The following PCDH15 variants were observed in gnomAD, a reference collection of about 807,000 sequenced individuals.
PCDH15 encodes protocadherin-15.
In PCDH15, 129 loss-of-function variants were observed where a neutral mutation model predicts 178.5. The ratio of observed to expected loss-of-function variants is 0.72; its 90% CI spans 0.63 to 0.84. PCDH15 has a LOEUF of 0.84. Ranked by LOEUF, PCDH15 falls within the 40% of genes least tolerant of loss-of-function variation. PCDH15 has a pLI of 0.00. For missense variants in PCDH15, 2,230 were observed against 2,099.9 expected (o/e 1.06, Z -1.21); for synonymous variants, 800 against 732.0 (o/e 1.09, Z -1.50).
intron 9 of PCDH15, among the ~76,000 whole-genome samples, chr10:54,217,743 G>T (rs1184339589): frequency 8.5e-5 from 13 of 152,106 alleles, no homozygotes; most frequent in Admixed American, 8.5e-4. Flanking sequence ...CTATGGTTTT[G>T]AAATACTATT....
intron 2 of PCDH15, among the ~76,000 whole-genome samples, chr10:55,127,845 A>G (rs533294472): frequency 1.2e-4 from 19 of 152,150 alleles, no homozygotes; most frequent in African/African-American, 4.3e-4. Context: ...TTGTTTCATT[A>G]TACTTTCCAC....
intron 3 of PCDH15, among the ~76,000 whole-genome samples, chr10:54,425,008 TAAAAAAAA>T (rs777958846): frequency 0.011 from 1,190 of 107,696 alleles, 19 homozygotes; most frequent in African/African-American, 0.034. Flanking sequence ...TAAAGTATAA[TAAAAAAAA>T]AAAAAAAAGA....
intron 2 of PCDH15, among the ~76,000 whole-genome samples, chr10:55,454,219 G>A (rs576636159): frequency 4.3e-4 from 66 of 152,032 alleles, no homozygotes; most frequent in Admixed American, 3.6e-3. Flanking sequence ...GCCATTTAAA[G>A]GAACTTTTCA....
At chr10:55,188,623 A>AT (rs1278707238) in intron 1 of PCDH15, among the ~76,000 whole-genome samples, 2 of 151,796 alleles carry the variant, frequency 1.3e-5, no homozygotes, top group African/African-American at 2.4e-5. Flanking sequence ...TAAAATGATC[A>AT]TTTTTCCAGT....
At chr10:55,436,874 A>G (rs2132063555) in intron 2 of PCDH15, among the ~76,000 whole-genome samples, 1 of 152,286 alleles carries the variant, frequency 6.6e-6, no homozygotes, top group East Asian at 1.9e-4. Flanking sequence ...TCAGAAAAAA[A>G]TAATTTTGCC....
chr10:55,307,507 C>CA (rs768595082), intron 1 of PCDH15, among the ~76,000 whole-genome samples: 4,634 of 130,794 alleles, frequency 0.035, 91 homozygotes, highest in African/African-American at 0.056. Flanking sequence ...GACTCCATCT[C>CA]AAAAAAAAAA....
intron 3 of PCDH15, among the ~76,000 whole-genome samples, chr10:54,388,711 C>T (rs1440981887): frequency 6.6e-6 from 1 of 152,096 alleles, no homozygotes; most frequent in Non-Finnish European, 1.5e-5. Flanking sequence ...TAAAATAAAT[C>T]ACCTTGTTGG....
At chr10:55,624,589 ACT>A (rs1837484027) in intron 2 of PCDH15, among the ~76,000 whole-genome samples, 1 of 152,080 alleles carries the variant, frequency 6.6e-6, no homozygotes, top group South Asian at 2.1e-4. Context: ...TTAATAGAAA[ACT>A]CTAATGCTTA....
chr10:54,720,380 G>A lies in PCDH15; in HGVS notation c.-28-56090C>T, dbSNP rs370431741. On this transcript the variant is annotated intron_variant, in intron 1 of 37. Transcript: ENST00000644397. The stretch of plus-strand genomic sequence containing the variant: ...AGTCATCAGAATTTTCAAAGTCAAA[G>A]TGGAAAAAAAAATCCTAAAATCAGC... Among the ~76,000 whole-genome samples the A allele has an allele frequency of 6.6e-5, 10 of 151,744 alleles. No homozygotes were observed. In the East Asian group the frequency reaches 1.8e-3, roughly 27 times the overall value.
chr10:54,050,561 C>T (rs183725870), intron 18 of PCDH15, among the ~76,000 whole-genome samples: 1 of 151,914 alleles, frequency 6.6e-6, no homozygotes, highest in Admixed American at 6.6e-5. Context: ...CAATTTAATT[C>T]AGTTCTTTCT....
At chr10:54,178,314 G>T (rs1018678888) in intron 13 of PCDH15, among the ~76,000 whole-genome samples, 6 of 152,132 alleles carry the variant, frequency 3.9e-5, no homozygotes, top group African/African-American at 2.4e-5. Flanking sequence ...TATAGAGATA[G>T]ATATAGATCA....
At chr10:53,866,391 T>A (rs1213203783) in intron 27 of PCDH15, among the ~76,000 whole-genome samples, 1 of 151,022 alleles carries the variant, frequency 6.6e-6, no homozygotes, top group African/African-American at 2.4e-5. Context: ...TTTTCAAATA[T>A]TATAATGTTT....
chr10:54,970,045 T>A (rs1838893395), intron 2 of PCDH15, among the ~76,000 whole-genome samples: 1 of 152,132 alleles, frequency 6.6e-6, no homozygotes, highest in South Asian at 2.1e-4. Flanking sequence ...AAATGAGTCC[T>A]TAGGAGATGA....
chr10:55,397,840 C>T (rs1299350911), intron 2 of PCDH15, among the ~76,000 whole-genome samples: 1 of 152,006 alleles, frequency 6.6e-6, no homozygotes, highest in African/African-American at 2.4e-5. Context: ...CCGCCCGCCT[C>T]GGCCTCTCAA....
chr10:53,921,369 C>T (rs1216329168), intron 25 of PCDH15, among the ~76,000 whole-genome samples: 1 of 144,300 alleles, frequency 6.9e-6, no homozygotes, highest in African/African-American at 2.6e-5. Flanking sequence ...TTCATTCAAC[C>T]ACATTTCAGC....
chr10:54,859,965 T>G (rs1017954292), intron 3 of PCDH15, among the ~76,000 whole-genome samples: 1 of 152,056 alleles, frequency 6.6e-6, no homozygotes, highest in African/African-American at 2.4e-5. Flanking sequence ...AATGAATGCA[T>G]GTAATAAACT....
At position 53,822,547 on chromosome 10, in the gene PCDH15, C is replaced by T. The variant is rs775361471; in HGVS notation, c.4368-2317G>A. On this transcript the variant is annotated intron_variant, in intron 32 of 37. Coordinates refer to ENST00000644397, the MANE Select transcript of PCDH15 (RefSeq NM_001384140.1). ...GCAAAATTTTCAAAAATATTTCTTT[C>T]GGTTTCAATAGGTAACATACAAATA... The T allele has an allele frequency of 1.0e-4, 165 of 1,613,550 alleles. No individual in the cohort carries two copies. Among genetic ancestry groups the T allele is most frequent in the Non-Finnish European group, 1.4e-4 (160 of 1,179,896 alleles).
intron 2 of PCDH15, among the ~76,000 whole-genome samples, chr10:55,142,277 AC>A (rs1838375719): frequency 6.6e-6 from 1 of 152,124 alleles, no homozygotes; most frequent in South Asian, 2.1e-4. Context: ...TCTGGCAATG[AC>A]CCAGGACCAT....
At chr10:54,808,861 A>C (rs1351075076) in intron 3 of PCDH15, among the ~76,000 whole-genome samples, 1 of 152,160 alleles carries the variant, frequency 6.6e-6, no homozygotes, top group East Asian at 1.9e-4. Context: ...GATACCTTCC[A>C]AGACACATTA....
Sources: gnomAD v4.1 joint callset for allele counts (sites outside exome capture counted in the v4.1 genomes callset) on GRCh38, gnomAD v4.1.1 for gene constraint, MANE v1.5 for transcripts, NCBI Gene and HGNC (gene_info 2026-07-23, HGNC 2026-07-21) for gene names.